Variants in TMC1 observed in about 807,000 individuals in gnomAD.
TMC1 encodes the protein transmembrane channel like 1, also known as transmembrane channel-like protein 1.
Under a neutral mutation model 105.8 loss-of-function variants are expected in TMC1, and 84 were observed. The observed-to-expected ratio is 0.79, with a 90% CI of 0.67 to 0.95. The LOEUF is 0.95. Ranked by LOEUF, TMC1 falls within the 40% of genes least tolerant of loss-of-function variation. TMC1 has a pLI of 0.00. For synonymous variants in TMC1, 315 were observed against 311.5 expected, an observed-to-expected ratio of 1.01 and a Z score of -0.12; for missense variants, 817 against 914.1, an observed-to-expected ratio of 0.89 and a Z score of 1.37.
chr9:72,694,150 G>A (rs549626818), intron 6 of TMC1, among the ~76,000 whole-genome samples: 1 of 151,952 alleles, frequency 6.6e-6, no homozygotes, highest in East Asian at 1.9e-4. Flanking sequence ...AATATGAAGT[G>A]GTTAATCACT....
intron 5 of TMC1, among the ~76,000 whole-genome samples, chr9:72,672,328 TATAA>T (rs1448657980): frequency 1.3e-5 from 2 of 152,156 alleles, no homozygotes; most frequent in Non-Finnish European, 2.9e-5. Context: ...TTTAATGAAA[TATAA>T]ATATTTTCTC....
chr9:72,551,328 G>A (rs1003206309), intron 1 of TMC1, among the ~76,000 whole-genome samples: 4 of 152,146 alleles, frequency 2.6e-5, no homozygotes, highest in African/African-American at 9.7e-5. Context: ...ATCTGCCCTA[G>A]CCGTTTATCT....
chr9:72,622,116 C>A (rs1413200884), intron 3 of TMC1, among the ~76,000 whole-genome samples: 1 of 152,098 alleles, frequency 6.6e-6, no homozygotes, highest in Non-Finnish European at 1.5e-5. Context: ...AGAGACCCTG[C>A]AATGGAATAG....
At chr9:72,623,358 C>G (rs2132129333) in intron 3 of TMC1, among the ~76,000 whole-genome samples, 1 of 152,162 alleles carries the variant, frequency 6.6e-6, no homozygotes, top group East Asian at 1.9e-4. Context: ...CCTAGCTCCT[C>G]AAGGAAATCG....
At chr9:72,533,813 T>C (rs777420856) in intron 1 of TMC1, among the ~76,000 whole-genome samples, 2 of 152,192 alleles carry the variant, frequency 1.3e-5, no homozygotes, top group African/African-American at 4.8e-5. Flanking sequence ...ACTAGGTTTT[T>C]CTACTTTTCA....
chr9:72,684,539 T>G (rs1826345501), intron 5 of TMC1, among the ~76,000 whole-genome samples: 1 of 152,192 alleles, frequency 6.6e-6, no homozygotes, highest in Non-Finnish European at 1.5e-5. Context: ...TTTACCCTCA[T>G]TTTCTTTGTT....
At chr9:72,614,962 GAGCCACTGAGCCC>G (rs1277122440) in intron 2 of TMC1, among the ~76,000 whole-genome samples, 5 of 152,132 alleles carry the variant, frequency 3.3e-5, no homozygotes, top group Non-Finnish European at 7.3e-5. Context: ...TTACAGATGT[GAGCCACTGAGCCC>G]AGCCAGTTAT....
chr9:72,829,211 T>C (rs1469980215), intron 21 of TMC1, among the ~76,000 whole-genome samples: 1 of 152,188 alleles, frequency 6.6e-6, no homozygotes, highest in African/African-American at 2.4e-5. Flanking sequence ...TACCTTTAAT[T>C]AGAGAATTGT....
rs72733100 is a variant in TMC1 at position 72,837,670 on chromosome 9, C to A, written c.*1697C>A. 12,057 of 152,316 alleles carry A rather than the reference C, an allele frequency of 0.079. 626 individuals are homozygous for A. The highest frequency in any genetic ancestry group is 0.13 in the Non-Finnish European group (8,506 of 68,034). The allele number at this position is 152,316 out of a possible 1,614,324, so 9.4% of individuals were successfully genotyped here. A position where few individuals can be genotyped will look rare whatever the true frequency, so the allele number is the denominator to read the frequency against. The stretch of plus-strand genomic sequence containing the variant: ...TGCCCTCACTAGCCTTGTTGTGCGA[C>A]TTTAATTGCATAGCTTAACTCAGTG... On this transcript the variant is annotated 3_prime_UTR_variant, in exon 24 of 24. Transcript: ENST00000297784.
intron 12 of TMC1, among the ~76,000 whole-genome samples, chr9:72,764,745 AT>A (rs200244945): frequency 2.0e-5 from 3 of 151,754 alleles, no homozygotes; most frequent in Admixed American, 1.3e-4. Flanking sequence ...ACCAGAAGCA[AT>A]TTTTTTTTGT....
At chr9:72,550,154 T>G (rs1823837115) in intron 1 of TMC1, among the ~76,000 whole-genome samples, 1 of 152,100 alleles carries the variant, frequency 6.6e-6, no homozygotes, top group South Asian at 2.1e-4. Context: ...GACTTTTTTG[T>G]AATTTGAGGA....
intron 13 of TMC1, among the ~76,000 whole-genome samples, chr9:72,778,313 A>T (rs971025362): frequency 2.0e-5 from 3 of 152,178 alleles, no homozygotes; most frequent in African/African-American, 7.2e-5. Flanking sequence ...TTGAGAGTGG[A>T]TGGAGGAAGG....
intron 17 of TMC1, among the ~76,000 whole-genome samples, chr9:72,798,219 A>G (rs1025629559): frequency 6.6e-6 from 1 of 152,088 alleles, no homozygotes. Context: ...AAAAAATAAT[A>G]TGCTGGCAAG....
intron 2 of TMC1, among the ~76,000 whole-genome samples, chr9:72,586,742 C>G (rs1824560021): frequency 6.6e-6 from 1 of 152,180 alleles, no homozygotes; most frequent in Non-Finnish European, 1.5e-5. Flanking sequence ...TGAGAAAACT[C>G]AAAACTCTAG....
At chr9:72,755,094 G>A (rs995734392) in intron 12 of TMC1, among the ~76,000 whole-genome samples, 127 of 123,968 alleles carry the variant, frequency 1.0e-3, no homozygotes, top group African/African-American at 2.9e-3. Context: ...GAGAGAGAGA[G>A]AGAAAGAAAG....
intron 4 of TMC1, among the ~76,000 whole-genome samples, chr9:72,645,641 A>G (rs1825698189): frequency 6.6e-6 from 1 of 152,196 alleles, no homozygotes. Context: ...GCCTCACCAC[A>G]GAGTCCTTCT....
intron 8 of TMC1, among the ~76,000 whole-genome samples, chr9:72,701,303 C>G (rs750074325): frequency 1.2e-4 from 18 of 152,118 alleles, no homozygotes; most frequent in Non-Finnish European, 2.5e-4. Context: ...AATGTGGACG[C>G]GAACGCAGTC....
intron 2 of TMC1, among the ~76,000 whole-genome samples, chr9:72,593,333 G>GT (rs1824667110): frequency 6.6e-6 from 1 of 152,138 alleles, no homozygotes; most frequent in African/African-American, 2.4e-5. Flanking sequence ...GAAGCCAGGA[G>GT]TTTAAGAATA....
intron 8 of TMC1, among the ~76,000 whole-genome samples, chr9:72,722,065 A>G (rs919946104): frequency 1.3e-5 from 2 of 152,172 alleles, no homozygotes; most frequent in Admixed American, 6.6e-5. Context: ...ACCATCTCCA[A>G]ATGTTTTTGA....
Sources: gnomAD v4.1 joint callset for allele counts (sites outside exome capture counted in the v4.1 genomes callset) on GRCh38, gnomAD v4.1.1 for gene constraint, MANE v1.5 for transcripts, NCBI Gene and HGNC (gene_info 2026-07-23, HGNC 2026-07-21) for gene names.